Variants in HECTD4 observed in about 807,000 individuals in gnomAD.
HECTD4 encodes the protein probable E3 ubiquitin-protein ligase HECTD4.
In HECTD4, 114 loss-of-function variants were observed where a neutral mutation model predicts 471.5. The ratio of observed to expected loss-of-function variants is 0.24; its 90% CI spans 0.21 to 0.28. The LOEUF (loss-of-function observed/expected upper bound fraction) is 0.28, where lower values mean the gene tolerates loss of function less well. Ranked by LOEUF, HECTD4 falls within the 10% of genes least tolerant of loss-of-function variation. The pLI, the probability that HECTD4 is intolerant of heterozygous loss-of-function variation, is 1.00. For missense variants in HECTD4, 3,866 were observed against 5,651.5 expected (o/e 0.68, Z 10.13); for synonymous variants, 2,012 against 2,256.0 (o/e 0.89, Z 3.07).
intron 44 of HECTD4, 182 bp from the exon 45 acceptor site, chr12:112,219,671 CT>C: frequency 2.3e-6 from 1 of 430,132 alleles, no homozygotes; most frequent in Non-Finnish European, 4.1e-6. Flanking sequence ...GCGGTCCTGG[CT>C]TACTGCAACC....
chr12:112,261,984 A>T, intron 17 of HECTD4: 1 of 152,374 alleles, frequency 6.6e-6, no homozygotes, highest in East Asian at 1.9e-4. Flanking sequence ...TAAAGTAGCA[A>T]GCAGTTACAG....
intron 4 of HECTD4, among the ~76,000 whole-genome samples, chr12:112,310,613 T>C (rs1176698006): frequency 6.6e-6 from 1 of 152,148 alleles, no homozygotes; most frequent in Non-Finnish European, 1.5e-5. Context: ...ACCGTCAAAT[T>C]AGTACTAAAA....
At chr12:112,234,585 A>G (rs959586910) in intron 37 of HECTD4, among the ~76,000 whole-genome samples, 1 of 152,150 alleles carries the variant, frequency 6.6e-6, no homozygotes, top group African/African-American at 2.4e-5. Context: ...GGCAATGACT[A>G]TATTTTTACT....
In HECTD4 at chr12:112,309,556, C is replaced by A; in HGVS notation, c.1025+5G>T. ...CAATCATTCAGGAAGTTCCATGCAA[C>A]TGACCTGAGAGTACCATGTAATCCA... On this transcript the variant is annotated splice_donor_5th_base_variant and intron_variant, in intron 5 of 75. Coordinates refer to ENST00000682272, the MANE Select transcript of HECTD4 (RefSeq NM_001388303.1). 7.6e-7 allele frequency: 1 copy of A among 1,307,420 alleles called. No individual in the cohort carries two copies. The highest frequency in any genetic ancestry group is 1.1e-6 in the Non-Finnish European group (1 of 938,168). The allele number at this position is 1,307,420 out of a possible 1,614,324, so 81.0% of individuals were successfully genotyped here. A position where few individuals can be genotyped will look rare whatever the true frequency, so the allele number is the denominator to read the frequency against.
At chr12:112,299,623 AAAACAAAC>A (rs10699631) in intron 7 of HECTD4, among the ~76,000 whole-genome samples, 1,682 of 151,522 alleles carry the variant, frequency 0.011, 29 homozygotes, top group African/African-American at 0.034. Context: ...TCTGTCTCAA[AAAACAAAC>A]AAACAAACAA....
At chr12:112,196,659 T>C (rs1280864876) in intron 55 of HECTD4, among the ~76,000 whole-genome samples, 1 of 152,148 alleles carries the variant, frequency 6.6e-6, no homozygotes, top group East Asian at 1.9e-4. Flanking sequence ...GGCGTGATCA[T>C]AGCTCACTGC....
intron 55 of HECTD4, among the ~76,000 whole-genome samples, chr12:112,196,915 C>T (rs1190354493): frequency 6.6e-6 from 1 of 152,116 alleles, no homozygotes; most frequent in Non-Finnish European, 1.5e-5. Flanking sequence ...CCTGCCTTGG[C>T]CTCCCAAGTA....
intron 1 of HECTD4, among the ~76,000 whole-genome samples, chr12:112,380,343 G>A (rs1479168711): frequency 6.6e-6 from 1 of 152,076 alleles, no homozygotes; most frequent in Non-Finnish European, 1.5e-5. Flanking sequence ...AACTCGGGAG[G>A]CAGAGGCAGG....
At chr12:112,367,306 A>AAAAGAAAGAAAGAAAGAAAG (rs3031822) in intron 1 of HECTD4, among the ~76,000 whole-genome samples, 70 of 133,888 alleles carry the variant, frequency 5.2e-4, no homozygotes, top group African/African-American at 1.7e-3. Flanking sequence ...CTCAAAAAAA[A>AAAAGAAAGAAAGAAAGAAAG]AAAGAAAGAA....
intron 25 of HECTD4, 88 bp from the exon 26 acceptor site, chr12:112,248,600 A>G: frequency 5.5e-6 from 5 of 906,388 alleles, no homozygotes; most frequent in Non-Finnish European, 4.8e-6. Context: ...ATTTCTTTAG[A>G]GACAAGGTCT....
At chr12:112,189,514 G>A (rs1301673543) in intron 60 of HECTD4, among the ~76,000 whole-genome samples, 3 of 126,208 alleles carry the variant, frequency 2.4e-5, no homozygotes, top group Non-Finnish European at 4.7e-5. Flanking sequence ...TGGCGCTACT[G>A]CACTCCAGAC....
chr12:112,164,922 C>T (rs376711869), intron 72 of HECTD4, among the ~76,000 whole-genome samples: 30 of 147,684 alleles, frequency 2.0e-4, no homozygotes, highest in African/African-American at 7.3e-4. Flanking sequence ...GCACCCAGAC[C>T]GCTTTTTCTT....
intron 1 of HECTD4, among the ~76,000 whole-genome samples, chr12:112,330,139 T>TGGTGATGGGCGC (rs1202657320): frequency 1.3e-5 from 2 of 151,764 alleles, no homozygotes; most frequent in Non-Finnish European, 2.9e-5. Flanking sequence ...TAGCCGGGCG[T>TGGTGATGGGCGC]GGTGATGGGC....
At chr12:112,283,493 T>C (rs1341125955) in intron 7 of HECTD4, among the ~76,000 whole-genome samples, 191 bp from the exon 8 acceptor site, 1 of 152,200 alleles carries the variant, frequency 6.6e-6, no homozygotes, top group Non-Finnish European at 1.5e-5. Context: ...GTTTGAGATC[T>C]TTCACTTTTC....
chr12:112,184,295 G>T lies in HECTD4; in HGVS notation c.10671C>A (p.Asp3557Glu). 1 of 1,613,546 alleles carries T rather than the reference G, an allele frequency of 6.2e-7. No individual in the cohort carries two copies. Among genetic ancestry groups the T allele is most frequent in the African/African-American group, 1.3e-5 (1 of 75,052 alleles). Residue 3557 changes from aspartate (D) to glutamate (E), a missense_variant, in exon 61 of 76, where the codon GAC becomes GAA. Physicochemically the swap from Asp to Glu is conservative, Grantham distance 45 (BLOSUM62 2). This residue lies in a region of HECTD4 where 192 missense variants were observed against 189.9 expected (regional missense o/e 1.01). Transcript: ENST00000682272. The surrounding 1 kb of genome is among the most constrained non-coding windows in gnomAD (Gnocchi z 9.1). Reference sequence around the variant, plus strand: ...CCGACACCGAGGCCGTCTCTGCATTGTCCAGGGGCTCCCCCAGGCTGCCCA... The same window carrying T: ...CCGACACCGAGGCCGTCTCTGCATTTTCCAGGGGCTCCCCCAGGCTGCCCA... ...GSLGSLGEPL[D>E]NAETASVSDM...
At chr12:112,367,336 AAGAAAGAAAG>A (rs1322928773) in intron 1 of HECTD4, among the ~76,000 whole-genome samples, 1 of 151,500 alleles carries the variant, frequency 6.6e-6, no homozygotes, top group African/African-American at 2.4e-5. Context: ...GAAAGAAAGA[AAGAAAGAAAG>A]AAAACAAAAC....
At position 112,273,186 on chromosome 12, in the gene HECTD4, A is replaced by G. The variant is rs542351467; in HGVS notation, c.1942+469T>C. 5.3e-5 allele frequency among the ~76,000 whole-genome samples: 8 copies of G among 152,284 alleles called. 1 individual carries two copies. The South Asian group carries it at 6.2e-4, about 12-fold the overall frequency. On this transcript the variant is annotated intron_variant, in intron 11 of 75. Coordinates refer to ENST00000682272, the MANE Select transcript of HECTD4 (RefSeq NM_001388303.1). Reference sequence around the variant, plus strand: ...GCTGAGTGATTAATTCCTCCATATTAGCATAGTTGACTTTAAAGCCAAAAG... The same window carrying G: ...GCTGAGTGATTAATTCCTCCATATTGGCATAGTTGACTTTAAAGCCAAAAG...
chr12:112,187,820 G>A (rs142097334), intron 60 of HECTD4, among the ~76,000 whole-genome samples: 2,168 of 148,190 alleles, frequency 0.015, 54 homozygotes, highest in African/African-American at 0.051. Context: ...TAGAGACACG[G>A]TTTCACTGTG....
intron 1 of HECTD4, among the ~76,000 whole-genome samples, chr12:112,364,033 C>A (rs2036510692): frequency 6.7e-6 from 1 of 150,178 alleles, no homozygotes. Context: ...GGTCGTGACC[C>A]CACATTACTT....
Sources: allele counts gnomAD v4.1 joint callset (sites outside exome capture counted in the v4.1 genomes callset), GRCh38; gene constraint gnomAD v4.1.1; regional missense constraint gnomAD v4.1.1; non-coding constraint Gnocchi (gnomAD v3.1); transcripts MANE v1.5; gene names NCBI Gene and HGNC (gene_info 2026-07-23, HGNC 2026-07-21).